Variants in WASHC2A observed in about 807,000 individuals in gnomAD.
WASHC2A encodes the protein WASH complex subunit 2A, also known as WASH complex subunit FAM21A.
WASHC2A carries 82 observed loss-of-function variants against 140.3 expected under a neutral mutation model. The ratio of observed to expected loss-of-function variants is 0.58; its 90% CI spans 0.49 to 0.70. The LOEUF (loss-of-function observed/expected upper bound fraction) is 0.70, where lower values mean the gene tolerates loss of function less well. Ranked by LOEUF, WASHC2A falls within the 30% of genes least tolerant of loss-of-function variation. The probability of loss-of-function intolerance (pLI) is 0.00; values close to 1 mark genes in which losing one functional copy is unlikely to be tolerated. For synonymous variants in WASHC2A, 340 were observed against 560.8 expected (o/e 0.61, Z 5.56); for missense variants, 985 against 1,521.8 (o/e 0.65, Z 5.87).
intron 19 of WASHC2A, among the ~76,000 whole-genome samples, chr10:50,109,696 T>G (rs1554889635): frequency 6.6e-6 from 1 of 152,184 alleles, no homozygotes; most frequent in Non-Finnish European, 1.5e-5. Flanking sequence ...TAATACTTAG[T>G]TTAAATACAA....
At chr10:50,119,879 A>T (rs1245252980) in intron 23 of WASHC2A, 110 bp downstream of exon 23, 10 of 697,772 alleles carry the variant, frequency 1.4e-5, no homozygotes, top group Non-Finnish European at 2.2e-5. Context: ...CCTTCAATGT[A>T]GTGTGTTAAT....
intron 30 of WASHC2A, among the ~76,000 whole-genome samples, chr10:50,132,279 C>T (rs1236488180): frequency 6.6e-6 from 1 of 152,192 alleles, no homozygotes; most frequent in East Asian, 1.9e-4. Context: ...AGTAACATTA[C>T]TGGGTAAGTA....
chr10:50,097,915 A>G (rs1840649258), intron 16 of WASHC2A, 113 bp downstream of exon 16: 3 of 1,541,242 alleles, frequency 1.9e-6, no homozygotes, highest in Non-Finnish European at 2.6e-6. Flanking sequence ...GAAGAACTTC[A>G]AACAGAAAGT....
chr10:50,125,964 G>A lies in WASHC2A; in HGVS notation c.2689-93G>A, dbSNP rs533194733. ...CCCTCATTTGAGAAAGTATTTTTAAGACTCAGAAGCCAGGATTGTTTTTTG... is the reference window on the plus strand; with the variant it reads ...CCCTCATTTGAGAAAGTATTTTTAAAACTCAGAAGCCAGGATTGTTTTTTG... On this transcript the variant is annotated intron_variant, in intron 25 of 30. Transcript: ENST00000282633. The A allele has an allele frequency of 1.5e-5, 23 of 1,522,880 alleles. No individual in the cohort carries two copies. The African/African-American group carries it at 2.2e-4, about 15-fold the overall frequency. 94.3% of individuals were successfully genotyped at this position (1,522,880 alleles called of 1,614,324 possible). A position where few individuals can be genotyped will look rare whatever the true frequency, so the allele number is the denominator to read the frequency against.
intron 20 of WASHC2A, among the ~76,000 whole-genome samples, chr10:50,112,909 G>C (rs1842400037): frequency 6.7e-6 from 1 of 149,694 alleles, no homozygotes; most frequent in Admixed American, 6.7e-5. Flanking sequence ...GGAATGGAGA[G>C]TGATGGCTCA....
At chr10:50,120,097 G>A (rs1303680744) in intron 23 of WASHC2A, among the ~76,000 whole-genome samples, 6 of 139,008 alleles carry the variant, frequency 4.3e-5, no homozygotes, top group Admixed American at 3.5e-4. Context: ...GTACAGTTAA[G>A]TATTTCTAAC....
In WASHC2A at chr10:50,068,251, C is replaced by T. The variant is rs782150217; in HGVS notation, c.126+24C>T. ...GCGTGAGAGGCGGGCCCCGGGGACG[C>T]GAGAGCGGCAGGGGTGACGCTTGGC... On this transcript the variant is annotated intron_variant, in intron 2 of 30. Coordinates refer to ENST00000282633, the MANE Select transcript of WASHC2A (RefSeq NM_001005751.3). The T allele has an allele frequency of 3.9e-6, 6 of 1,549,202 alleles. No individual in the cohort carries two copies. In the African/African-American group the frequency reaches 6.9e-5, roughly 18 times the overall value.
intron 23 of WASHC2A, among the ~76,000 whole-genome samples, chr10:50,121,617 C>G (rs1201594638): frequency 1.3e-5 from 2 of 150,146 alleles, no homozygotes; most frequent in Non-Finnish European, 2.9e-5. Context: ...TGACCTTGAA[C>G]TCTTGACCTC....
intron 1 of WASHC2A, 47 bp from the exon 2 acceptor site, chr10:50,068,058 C>G: frequency 2.5e-6 from 4 of 1,608,664 alleles, no homozygotes; most frequent in South Asian, 1.1e-5. Context: ...GGCCGCCGTC[C>G]CTGCCGCCCT....
intron 2 of WASHC2A, 104 bp from the exon 3 acceptor site, chr10:50,069,443 A>T: frequency 2.1e-6 from 3 of 1,401,406 alleles, no homozygotes; most frequent in Non-Finnish European, 1.9e-6. Context: ...TTTCTTTCAC[A>T]TTCTAACACT....
In WASHC2A at chr10:50,129,620, G is replaced by T. The variant is rs1843759487; in HGVS notation, c.3289G>T (p.Ala1097Ser). The T allele has an allele frequency of 6.2e-7, 1 of 1,612,064 alleles. No individual in the cohort carries two copies. The highest frequency in any genetic ancestry group is 8.5e-7 in the Non-Finnish European group (1 of 1,179,862). ...AGAAGACAGCACTGAGGAGGCCCTG[G>T]CAGCTGCCGCTGCACCTTGGGAAGG... The part of the protein sequence containing the change: ...SGEDSTEEAL[A>S]AAAAPWEGGP... The change falls in exon 29 of 31, where the codon GCA becomes TCA. Residue 1097 changes from alanine (A) to serine (S), a missense_variant. Ala to Ser is a moderately conservative substitution (Grantham distance 99). Transcript: ENST00000282633.
Position 50,132,892 on chromosome 10 carries a change from C to T in WASHC2A, c.3973C>T (p.His1325Tyr), listed in dbSNP as rs1844110186. 2 of 1,611,934 alleles carry T rather than the reference C, an allele frequency of 1.2e-6. No homozygotes were observed. The highest frequency in any genetic ancestry group is 2.7e-5 in the African/African-American group (2 of 74,876). Reference protein sequence around the residue: ...AQAAPEPRFEHKVSNIFDDPL... With the variant: ...AQAAPEPRFEYKVSNIFDDPL... ...GGCCGCACCTGAACCAAGATTTGAA[C>T]ACAAGGTGTCCAACATCTTTGATGA... Residue 1325 changes from histidine to tyrosine, a missense_variant, in exon 31 of 31, where the codon CAC (histidine) becomes TAC (tyrosine). Transcript: ENST00000282633.
chr10:50,109,879 C>T (rs1842124627), intron 19 of WASHC2A, among the ~76,000 whole-genome samples: 1 of 152,032 alleles, frequency 6.6e-6, no homozygotes. Flanking sequence ...ACTCCATTCT[C>T]CTGCCTCAGC....
rs574464189 is a variant in WASHC2A at position 50,069,039 on chromosome 10, T to C, written c.127-508T>C. ...GTGCCAAAAAGGGATTTTAAATTTT[T>C]CCAGAAACGAGATAGGTGTCCATTA... On this transcript the variant is annotated intron_variant, in intron 2 of 30. Coordinates refer to ENST00000282633, the MANE Select transcript of WASHC2A (RefSeq NM_001005751.3). Among the ~76,000 whole-genome samples, 401 of 149,432 alleles carry C rather than the reference T, an allele frequency of 2.7e-3. 10 individuals are homozygous for C. Among genetic ancestry groups the C allele is most frequent in the African/African-American group, 9.4e-3 (378 of 40,280 alleles).
rs1841793115 is a variant in WASHC2A at position 50,106,468 on chromosome 10, G to A, written c.1869+3G>A. The A allele has an allele frequency of 5.0e-6, 8 of 1,600,020 alleles. No individual in the cohort carries two copies. Among genetic ancestry groups the A allele is most frequent in the Non-Finnish European group, 6.8e-6 (8 of 1,174,038 alleles). ...TGTTGTTCAGCAGTGATGAGGAGGTGAGCTGAGGTTTCTGCTAAAGAAGAG... is the reference window on the plus strand; with the variant it reads ...TGTTGTTCAGCAGTGATGAGGAGGTAAGCTGAGGTTTCTGCTAAAGAAGAG... On this transcript the variant is annotated splice_donor_region_variant and intron_variant, in intron 19 of 30. Transcript: ENST00000282633.
intron 9 of WASHC2A, among the ~76,000 whole-genome samples, chr10:50,091,199 G>A (rs2132553116): frequency 6.6e-6 from 1 of 151,716 alleles, no homozygotes; most frequent in African/African-American, 2.4e-5. Context: ...TTAAAGTCAA[G>A]TATTAAAAAG....
intron 17 of WASHC2A, among the ~76,000 whole-genome samples, chr10:50,100,595 A>G (rs1448723031): frequency 6.6e-6 from 1 of 152,148 alleles, no homozygotes; most frequent in Non-Finnish European, 1.5e-5. Flanking sequence ...TCCTGGGATG[A>G]AAATCCTCTC....
At chr10:50,072,596 C>T (rs543743096) in intron 3 of WASHC2A, among the ~76,000 whole-genome samples, 3 of 146,790 alleles carry the variant, frequency 2.0e-5, no homozygotes, top group South Asian at 4.4e-4. Flanking sequence ...ACGCCATTCT[C>T]CTGACTCAGC....
At chr10:50,129,295 A>G (rs1406421778) in intron 28 of WASHC2A, 124 bp from the exon 29 acceptor site, 4 of 1,542,088 alleles carry the variant, frequency 2.6e-6, no homozygotes, top group South Asian at 1.2e-5. Flanking sequence ...ATGTTCTTAG[A>G]TAATATCTTC....
Sources: allele counts gnomAD v4.1 joint callset (sites outside exome capture counted in the v4.1 genomes callset), GRCh38; gene constraint gnomAD v4.1.1; transcripts MANE v1.5; gene names NCBI Gene and HGNC (gene_info 2026-07-23, HGNC 2026-07-21).